Variants in RRM2 observed in about 807,000 individuals in gnomAD.
RRM2 encodes the protein ribonucleoside-diphosphate reductase subunit M2.
RRM2 carries 6 observed loss-of-function variants against 45.9 expected under a neutral mutation model. That is an observed-to-expected ratio of 0.13 (90% CI 0.07 to 0.26). The LOEUF (loss-of-function observed/expected upper bound fraction) is 0.26. RRM2 is among the 10% of genes least tolerant of loss of function. The pLI is 1.00. For synonymous variants in RRM2, 177 were observed against 173.0 expected (o/e 1.02, Z -0.18); for missense variants, 343 against 489.5 (o/e 0.70, Z 2.82).
At chr2:10,164,798 C>G (rs1406396247) in intron 3 of RRM2, among the ~76,000 whole-genome samples, 1 of 152,184 alleles carries the variant, frequency 6.6e-6, no homozygotes, top group African/African-American at 2.4e-5. Context: ...ACTGCCCCTC[C>G]CTGGTCCTGC....
intron 3 of RRM2, among the ~76,000 whole-genome samples, chr2:10,157,286 T>C (rs1663451438): frequency 6.6e-6 from 1 of 152,166 alleles, no homozygotes; most frequent in Admixed American, 6.5e-5. Flanking sequence ...TGCCTCTGCT[T>C]CTCAAAGTGC....
intron 3 of RRM2, among the ~76,000 whole-genome samples, chr2:10,200,548 A>G (rs7608916): frequency 0.044 from 233 of 5,244 alleles, 60 homozygotes; most frequent in South Asian, 0.098. Flanking sequence ...TGAGTCCCAC[A>G]GGGACCGCGC....
At position 10,172,654 on chromosome 2, in the gene RRM2, G is replaced by A. The variant is rs1197740396; in HGVS notation, n.482+30279G>A. 2.0e-5 allele frequency among the ~76,000 whole-genome samples: 3 copies of A among 152,156 alleles called. No homozygotes were observed. Among genetic ancestry groups the A allele is most frequent in the South Asian group, 4.1e-4 (2 of 4,824 alleles). On this transcript the variant is annotated intron_variant and non_coding_transcript_variant, in intron 3 of 3. Coordinates refer to the RRM2 transcript ENST00000381786. This position sits in a 1 kb window ranked among gnomAD's most constrained non-coding sequence, Gnocchi z 4.9. Reference sequence around the variant, plus strand: ...CGCCTCCTGCTGGGTCGGCCCCTTCGCCTCTTCCTTCTGTCTGTCGGTGCA... The same window carrying A: ...CGCCTCCTGCTGGGTCGGCCCCTTCACCTCTTCCTTCTGTCTGTCGGTGCA...
chr2:10,150,218 C>T (rs1352262737), intron 3 of RRM2, among the ~76,000 whole-genome samples: 3 of 151,988 alleles, frequency 2.0e-5, no homozygotes, highest in African/African-American at 4.8e-5. Context: ...GAGGTCGAGG[C>T]GGGTGGATCA....
At chr2:10,138,147 C>T (rs530245798), upstream of RRM2, among the ~76,000 whole-genome samples, 9 of 151,262 alleles carry the variant, frequency 5.9e-5, no homozygotes, top group South Asian at 1.9e-3. Context: ...ATTACAGGCT[C>T]CTGCCATCAT....
At chr2:10,148,652 T>C (rs970964859) in intron 3 of RRM2, among the ~76,000 whole-genome samples, 7 of 152,198 alleles carry the variant, frequency 4.6e-5, no homozygotes, top group African/African-American at 1.7e-4. Context: ...TTTCCCCCTT[T>C]CTTTTATATT....
chr2:10,140,770 G>C (rs1395863207), upstream of RRM2, among the ~76,000 whole-genome samples: 3 of 152,188 alleles, frequency 2.0e-5, no homozygotes, highest in Admixed American at 6.5e-5. Flanking sequence ...GGTGCCTTAG[G>C]GGGCAGGTTG....
intron 3 of RRM2, among the ~76,000 whole-genome samples, chr2:10,166,487 C>T (rs1435480229): frequency 4.6e-5 from 7 of 152,228 alleles, no homozygotes; most frequent in South Asian, 4.1e-4. Flanking sequence ...AGGGATACCG[C>T]GTGTGCTCCC....
At position 10,205,080 on chromosome 2, in the gene RRM2, T is replaced by C. The variant is rs1263782289; in HGVS notation, n.483-5231T>C. 6.6e-6 allele frequency among the ~76,000 whole-genome samples: 1 copy of C among 152,262 alleles called. No homozygotes were observed. The highest frequency in any genetic ancestry group is 1.9e-4 in the East Asian group (1 of 5,204). On this transcript the variant is annotated intron_variant and non_coding_transcript_variant, in intron 3 of 3. Coordinates refer to the RRM2 transcript ENST00000381786. The surrounding 1 kb of genome is among the most constrained non-coding windows in gnomAD (Gnocchi z 4.8). ...CTTTTGTTTTCAGTGCCCAGCTCCC[T>C]AAGCCTTCTTTGTCCTTACCGTCTC...
chr2:10,202,273 T>C (rs1483460820), intron 3 of RRM2, among the ~76,000 whole-genome samples: 1 of 152,220 alleles, frequency 6.6e-6, no homozygotes, highest in Non-Finnish European at 1.5e-5. Context: ...CTCCCTGCAA[T>C]CTTTCTACCA....
In RRM2 at chr2:10,127,803, G is replaced by T. The variant is rs1558381075; in HGVS notation, c.798+583G>T. 6.6e-6 allele frequency among the ~76,000 whole-genome samples: 1 copy of T among 152,082 alleles called. No homozygotes were observed. Among genetic ancestry groups the T allele is most frequent in the Non-Finnish European group, 1.5e-5 (1 of 68,008 alleles). ...AGCCAAAACTACAAGTTATTGATGGGATTGGGATTTTAAGGGATGTTTTAT... is the reference window on the plus strand; with the variant it reads ...AGCCAAAACTACAAGTTATTGATGGTATTGGGATTTTAAGGGATGTTTTAT... On this transcript the variant is annotated intron_variant, in intron 7 of 9. Transcript: ENST00000304567. This position sits in a 1 kb window ranked among gnomAD's most constrained non-coding sequence, Gnocchi z 4.1.
chr2:10,148,437 G>A lies in RRM2; in HGVS notation n.482+6062G>A, dbSNP rs1363711413. Among the ~76,000 whole-genome samples the A allele has an allele frequency of 5.9e-5, 9 of 152,186 alleles. 1 individual carries two copies. The South Asian group carries it at 1.9e-3, about 32-fold the overall frequency. On this transcript the variant is annotated intron_variant and non_coding_transcript_variant, in intron 3 of 3. Coordinates refer to the RRM2 transcript ENST00000381786. ...ATTCAGTTATTGCAAGTTCAAAAAG[G>A]TTTCTAGTCTTTGTGTTTGATTGAC...
intron 3 of RRM2, among the ~76,000 whole-genome samples, chr2:10,209,057 CT>C (rs1553330335): frequency 0.012 from 1,248 of 102,424 alleles, 15 homozygotes; most frequent in African/African-American, 0.037. Context: ...TTCTTTCTTT[CT>C]TTTTTTTTTT....
At chr2:10,179,036 A>G (rs1663991018) in intron 3 of RRM2, among the ~76,000 whole-genome samples, 1 of 135,326 alleles carries the variant, frequency 7.4e-6, no homozygotes, top group African/African-American at 2.8e-5. Flanking sequence ...AGTCTAGGGT[A>G]TTTTGTTATA....
intron 3 of RRM2, chr2:10,199,287 A>AG (rs1233637649): frequency 3.7e-5 from 4 of 107,910 alleles, no homozygotes; most frequent in Admixed American, 1.7e-4. Flanking sequence ...AGAAAAAAAA[A>AG]AGGGGGGGGG....
intron 3 of RRM2, among the ~76,000 whole-genome samples, chr2:10,146,944 T>C (rs1663198879): frequency 6.6e-6 from 1 of 152,194 alleles, no homozygotes; most frequent in South Asian, 2.1e-4. Flanking sequence ...ATGTATACTT[T>C]AGTTTCTTTA....
At position 10,129,515 on chromosome 2, in the gene RRM2, T is replaced by G. The variant is rs1662853455; in HGVS notation, c.*129T>G. ...TGTTCATTAACAGCATCTTTAAAAC[T>G]GTGTAGCTACCTCACAACCAGTCCT... On this transcript the variant is annotated 3_prime_UTR_variant, in exon 10 of 10. Coordinates refer to ENST00000304567, the MANE Select transcript of RRM2 (RefSeq NM_001034.4). The surrounding 1 kb of genome is among the most constrained non-coding windows in gnomAD (Gnocchi z 4.8). 1.0e-6 allele frequency: 1 copy of G among 962,174 alleles called. No individual in the cohort carries two copies. The highest frequency in any genetic ancestry group is 1.6e-5 in the African/African-American group (1 of 61,238). The allele number at this position is 962,174 out of a possible 1,614,324, so 59.6% of individuals were successfully genotyped here.
chr2:10,169,641 G>A lies in RRM2; in HGVS notation n.482+27266G>A, dbSNP rs1663755528. Among the ~76,000 whole-genome samples the A allele has an allele frequency of 6.6e-6, 1 of 152,182 alleles. No individual in the cohort carries two copies. The highest frequency in any genetic ancestry group is 1.5e-5 in the Non-Finnish European group (1 of 68,036). On this transcript the variant is annotated intron_variant and non_coding_transcript_variant, in intron 3 of 3. Coordinates refer to the RRM2 transcript ENST00000381786. The surrounding 1 kb of genome is among the most constrained non-coding windows in gnomAD (Gnocchi z 5.1). ...CTGCTCCTTGGAAGCTGGCAGGCAC[G>A]GCCACAGAATATGCGCCCCTTTCCT... is the stretch of plus-strand genomic sequence containing the variant.
chr2:10,179,729 A>C (rs1452018798), intron 3 of RRM2, among the ~76,000 whole-genome samples: 5 of 152,124 alleles, frequency 3.3e-5, no homozygotes, highest in Admixed American at 6.5e-5. Context: ...GTTTCTATTG[A>C]ATGTGTATCA....
Sources: allele counts gnomAD v4.1 joint callset (sites outside exome capture counted in the v4.1 genomes callset), GRCh38; gene constraint gnomAD v4.1.1; non-coding constraint Gnocchi (gnomAD v3.1); transcripts MANE v1.5; gene names NCBI Gene and HGNC (gene_info 2026-07-23, HGNC 2026-07-21).